Variants in NEDD9 observed in about 807,000 individuals in gnomAD.
The protein encoded by NEDD9 is neural precursor cell expressed, developmentally down-regulated 9.
NEDD9 carries 26 observed loss-of-function variants against 76.6 expected under a neutral mutation model. The ratio of observed to expected loss-of-function variants is 0.34; its 90% CI spans 0.25 to 0.47. The LOEUF (loss-of-function observed/expected upper bound fraction) is 0.47. NEDD9 is among the 20% of genes least tolerant of loss of function. NEDD9 has a pLI of 1.00. For missense variants in NEDD9, 937 were observed against 1,058.5 expected, an observed-to-expected ratio of 0.89 and a Z score of 1.59; for synonymous variants, 392 against 414.2, an observed-to-expected ratio of 0.95 and a Z score of 0.65.
chr6:11,236,167 A>G (rs1759594642), upstream of NEDD9, among the ~76,000 whole-genome samples: 2 of 152,126 alleles, frequency 1.3e-5, no homozygotes, highest in African/African-American at 2.4e-5. This position sits in a 1 kb window ranked among gnomAD's most constrained non-coding sequence, Gnocchi z 5.5. Context: ...GGGCTATGTA[A>G]TTGATTTATG....
intron 3 of NEDD9, among the ~76,000 whole-genome samples, chr6:11,256,820 G>T (rs901998176): frequency 2.0e-5 from 3 of 152,198 alleles, no homozygotes; most frequent in African/African-American, 7.2e-5. Flanking sequence ...GCAGTAGGCT[G>T]TTTGTATCAG....
At chr6:11,329,297 T>A (rs1414339605) in intron 2 of NEDD9, among the ~76,000 whole-genome samples, 1 of 152,188 alleles carries the variant, frequency 6.6e-6, no homozygotes, top group Non-Finnish European at 1.5e-5. Flanking sequence ...AGCGTGGGAA[T>A]GGTCACTTTG....
chr6:11,318,537 C>T (rs1761649910), intron 2 of NEDD9, among the ~76,000 whole-genome samples: 1 of 152,136 alleles, frequency 6.6e-6, no homozygotes, highest in African/African-American at 2.4e-5. Flanking sequence ...CTTACCATTT[C>T]GTCTCATAGA....
chr6:11,333,445 C>T (rs2113507368), intron 2 of NEDD9, among the ~76,000 whole-genome samples: 1 of 152,344 alleles, frequency 6.6e-6, no homozygotes, highest in African/African-American at 2.4e-5. Context: ...TTATTATTCA[C>T]CTCAGTTGGA....
At chr6:11,349,232 C>G (rs980051510) in intron 1 of NEDD9, among the ~76,000 whole-genome samples, 1 of 152,148 alleles carries the variant, frequency 6.6e-6, no homozygotes, top group Non-Finnish European at 1.5e-5. Context: ...CTATCTCACA[C>G]CAGTCAGAAT....
intron 2 of NEDD9, among the ~76,000 whole-genome samples, chr6:11,311,985 G>A: frequency 6.6e-6 from 1 of 152,056 alleles, no homozygotes; most frequent in East Asian, 1.9e-4. Context: ...TCTTTCCTTG[G>A]TGCTAGTCTG....
intron 1 of NEDD9, among the ~76,000 whole-genome samples, chr6:11,226,885 C>T (rs973699295): frequency 1.7e-4 from 26 of 152,158 alleles, no homozygotes; most frequent in African/African-American, 5.8e-4. Flanking sequence ...GTATTATTCT[C>T]ATTTGATAAA....
intron 3 of NEDD9, among the ~76,000 whole-genome samples, chr6:11,239,389 A>G (rs1759666238): frequency 6.6e-6 from 1 of 152,076 alleles, no homozygotes; most frequent in South Asian, 2.1e-4. Context: ...TTGTCCTCTC[A>G]AAGCCTGTGT....
intron 1 of NEDD9, among the ~76,000 whole-genome samples, chr6:11,365,225 G>C (rs936963992): frequency 1.3e-5 from 2 of 152,016 alleles, no homozygotes; most frequent in Admixed American, 6.6e-5. Flanking sequence ...GAAACATCCC[G>C]TTTCTTTCCA....
Position 11,185,444 on chromosome 6 carries a change from G to A in NEDD9, c.2223C>T (p.Ile741=), listed in dbSNP as rs1561776383. The change falls in exon 7 of 7, where the codon ATC becomes ATT. Residue 741 remains isoleucine (I), a synonymous_variant. Coordinates refer to ENST00000379446, the MANE Select transcript of NEDD9 (RefSeq NM_006403.4). Reference sequence around the variant, plus strand: ...TGACAAACTTGCTGTGTGCCACGAAGATTCGCGGGGGCTGGGCTGAGCTGA... The same window carrying A: ...TGACAAACTTGCTGTGTGCCACGAAAATTCGCGGGGGCTGGGCTGAGCTGA... The part of the protein sequence containing the change: ...SCVSSAQPPR[I]FVAHSKFVIL... 6.2e-7 allele frequency: 1 copy of A among 1,614,244 alleles called. No individual in the cohort carries two copies. Among genetic ancestry groups the A allele is most frequent in the Admixed American group, 1.7e-5 (1 of 60,030 alleles).
chr6:11,279,614 T>A (rs900710891), intron 3 of NEDD9, among the ~76,000 whole-genome samples: 1 of 152,126 alleles, frequency 6.6e-6, no homozygotes, highest in Non-Finnish European at 1.5e-5. Flanking sequence ...TCGTGGCTGG[T>A]CTTCTTGTTT....
intron 2 of NEDD9, among the ~76,000 whole-genome samples, chr6:11,195,708 G>A (rs954719611): frequency 1.3e-5 from 2 of 152,196 alleles, no homozygotes; most frequent in Admixed American, 6.5e-5. Context: ...AAACAGAAGC[G>A]GGCATGTCGG....
intron 1 of NEDD9, among the ~76,000 whole-genome samples, chr6:11,220,211 C>T (rs1457992780): frequency 2.6e-5 from 4 of 152,086 alleles, no homozygotes; most frequent in African/African-American, 9.7e-5. Flanking sequence ...CACAAGGCCT[C>T]CTGTGGCACC....
At chr6:11,349,606 G>A (rs778000164) in intron 1 of NEDD9, among the ~76,000 whole-genome samples, 23 of 152,160 alleles carry the variant, frequency 1.5e-4, no homozygotes, top group Admixed American at 4.6e-4. Context: ...AAGAATGAGA[G>A]CATGTTCTTT....
chr6:11,324,430 T>C (rs1016120698), intron 2 of NEDD9, among the ~76,000 whole-genome samples: 5 of 152,146 alleles, frequency 3.3e-5, no homozygotes, highest in African/African-American at 1.2e-4. Flanking sequence ...CTCTTCACCA[T>C]TTTCATGCAT....
rs1014441805 is a variant in NEDD9, at chr6:11,355,783, C to T, written c.-213-21222G>A. Among the ~76,000 whole-genome samples the T allele has an allele frequency of 6.6e-5, 10 of 152,088 alleles. No individual in the cohort carries two copies. The South Asian group carries it at 8.3e-4, about 13-fold the overall frequency. Reference sequence around the variant, plus strand: ...TCGCCCAGGCTGGAGGGCAGTGGCGCGATCTCCGCTCACTGCAAGCTCCGC... The same window carrying T: ...TCGCCCAGGCTGGAGGGCAGTGGCGTGATCTCCGCTCACTGCAAGCTCCGC... On this transcript the variant is annotated intron_variant, in intron 1 of 3. Coordinates refer to the NEDD9 transcript ENST00000397378.
intron 5 of NEDD9, among the ~76,000 whole-genome samples, chr6:11,188,638 C>G (rs1471141342): frequency 6.6e-6 from 1 of 152,164 alleles, no homozygotes; most frequent in Non-Finnish European, 1.5e-5. Flanking sequence ...AAATGCAGGT[C>G]TAAATGTGGT....
intron 2 of NEDD9, among the ~76,000 whole-genome samples, chr6:11,316,602 G>C (rs1170916989): frequency 6.6e-6 from 1 of 152,148 alleles, no homozygotes; most frequent in South Asian, 2.1e-4. Context: ...GAATTAACTC[G>C]ATCACATTTT....
intron 3 of NEDD9, among the ~76,000 whole-genome samples, chr6:11,247,420 G>A (rs554578240): frequency 7.9e-5 from 12 of 152,280 alleles, no homozygotes; most frequent in African/African-American, 2.4e-4. Context: ...TGACCCAAGC[G>A]ATAGAAATTT....
Sources: gnomAD v4.1 joint callset for allele counts (sites outside exome capture counted in the v4.1 genomes callset) on GRCh38, gnomAD v4.1.1 for gene constraint, Gnocchi (gnomAD v3.1) non-coding constraint, MANE v1.5 for transcripts, NCBI Gene and HGNC (gene_info 2026-07-23, HGNC 2026-07-21) for gene names.